Variants in SAMD13 observed in about 807,000 individuals in gnomAD.
SAMD13 encodes sterile alpha motif domain-containing protein 13.
Under a neutral mutation model 12.4 loss-of-function variants are expected in SAMD13, and 9 were observed. The ratio of observed to expected loss-of-function variants is 0.72; its 90% CI spans 0.44 to 1.26. The LOEUF (loss-of-function observed/expected upper bound fraction) is 1.26. Ranked by LOEUF, SAMD13 falls within the 50% of genes most tolerant of loss-of-function variation. The probability of loss-of-function intolerance (pLI) is 0.00; values close to 1 mark genes in which losing one functional copy is unlikely to be tolerated. For synonymous variants in SAMD13, 46 were observed against 45.4 expected (o/e 1.01, Z -0.05); for missense variants, 84 against 119.6 (o/e 0.70, Z 1.39).
At chr1:84,325,267 A>G (rs1430494207) in intron 2 of SAMD13, among the ~76,000 whole-genome samples, 2 of 152,124 alleles carry the variant, frequency 1.3e-5, no homozygotes, top group Admixed American at 6.5e-5. Flanking sequence ...GACTTGGCCT[A>G]TTGTGGAAGG....
chr1:84,350,521 T>C lies in SAMD13; in HGVS notation c.*747T>C, dbSNP rs921486636. On this transcript the variant is annotated 3_prime_UTR_variant, in exon 4 of 4. Coordinates refer to ENST00000394834, the MANE Select transcript of SAMD13 (RefSeq NM_001134663.2). ...TTTTTTTTAACTTCATGGTTTTATT[T>C]ATAATAATTTGTTTCTGAAGAAATT... is the stretch of plus-strand genomic sequence containing the variant. The C allele has an allele frequency of 1.3e-5, 2 of 152,652 alleles. No individual in the cohort carries two copies. Among genetic ancestry groups the C allele is most frequent in the African/African-American group, 2.4e-5 (1 of 41,466 alleles). 9.5% of individuals were successfully genotyped at this position (152,652 alleles called of 1,614,324 possible). A position where few individuals can be genotyped will look rare whatever the true frequency, so the allele number is the denominator to read the frequency against.
At chr1:84,322,719 G>C (rs1162915780) in intron 2 of SAMD13, among the ~76,000 whole-genome samples, 1 of 152,118 alleles carries the variant, frequency 6.6e-6, no homozygotes. Context: ...CTAACCCCTT[G>C]TTTCTTCTGG....
intron 3 of SAMD13, among the ~76,000 whole-genome samples, chr1:84,345,734 C>T (rs888815731): frequency 6.6e-6 from 1 of 152,164 alleles, no homozygotes; most frequent in Non-Finnish European, 1.5e-5. Context: ...TTCTTTCTTC[C>T]TATACATTTC....
intron 2 of SAMD13, among the ~76,000 whole-genome samples, chr1:84,317,050 T>G (rs907558545): frequency 1.3e-5 from 2 of 152,186 alleles, no homozygotes; most frequent in South Asian, 2.1e-4. Flanking sequence ...ATGTTGATTT[T>G]TGTATCCTGC....
intron 2 of SAMD13, among the ~76,000 whole-genome samples, chr1:84,321,629 A>T (rs316662): frequency 1.2e-4 from 18 of 152,162 alleles, no homozygotes; most frequent in Non-Finnish European, 2.2e-4. Context: ...AGATGTGGCG[A>T]GAATGGACCA....
rs1484455200 is a variant in SAMD13, at chr1:84,349,961, G to C, written c.*187G>C. The C allele has an allele frequency of 7.8e-7, 1 of 1,286,388 alleles. No individual in the cohort carries two copies. Among genetic ancestry groups the C allele is most frequent in the Non-Finnish European group, 1.0e-6 (1 of 1,003,648 alleles). The allele number at this position is 1,286,388 out of a possible 1,614,324, so 79.7% of individuals were successfully genotyped here. ...ACCTGAAATCAGCCAGGAGGAGCAA[G>C]GACAAGATGCGCACAGGGTGGTTTT... On this transcript the variant is annotated 3_prime_UTR_variant, in exon 4 of 4. Transcript: ENST00000394834.
At chr1:84,306,653 AAAAAAAAAAAG>A (rs1678580256) in intron 2 of SAMD13, among the ~76,000 whole-genome samples, 2 of 143,286 alleles carry the variant, frequency 1.4e-5, no homozygotes, top group South Asian at 2.2e-4. Flanking sequence ...CCAAAAAAAA[AAAAAAAAAAAG>A]AGAGAGAGAG....
At chr1:84,330,714 C>T (rs1221675906) in intron 3 of SAMD13, among the ~76,000 whole-genome samples, 2 of 152,158 alleles carry the variant, frequency 1.3e-5, no homozygotes, top group African/African-American at 2.4e-5. Context: ...GTAGTCACTT[C>T]ATTTCTATGT....
At chr1:84,299,585 T>A, upstream of SAMD13, 1 of 1,509,784 alleles carries the variant, frequency 6.6e-7, no homozygotes, top group Non-Finnish European at 8.9e-7. Context: ...TGCTACATAC[T>A]ACACACACAA....
At chr1:84,346,020 A>T (rs1350353961) in intron 3 of SAMD13, among the ~76,000 whole-genome samples, 1 of 152,098 alleles carries the variant, frequency 6.6e-6, no homozygotes, top group Non-Finnish European at 1.5e-5. Flanking sequence ...TGCTTTTTTC[A>T]ATAACTAGCA....
At chr1:84,311,549 A>C (rs1191093560) in intron 2 of SAMD13, among the ~76,000 whole-genome samples, 1 of 152,202 alleles carries the variant, frequency 6.6e-6, no homozygotes, top group African/African-American at 2.4e-5. Flanking sequence ...GGATTGATCC[A>C]TAGCATTTGC....
At chr1:84,308,694 G>A (rs1312746912) in intron 2 of SAMD13, among the ~76,000 whole-genome samples, 1 of 152,206 alleles carries the variant, frequency 6.6e-6, no homozygotes, top group Non-Finnish European at 1.5e-5. Flanking sequence ...CAGAGAAGAA[G>A]AGAGGTAAAA....
At chr1:84,311,905 CAGGCATTGATT>C (rs945065726) in intron 2 of SAMD13, among the ~76,000 whole-genome samples, 1 of 152,160 alleles carries the variant, frequency 6.6e-6, no homozygotes, top group African/African-American at 2.4e-5. Flanking sequence ...CAACATACCT[CAGGCATTGATT>C]AGGCAGTATC....
upstream of SAMD13, chr1:84,299,473 C>A (rs537955349): frequency 2.0e-5 from 9 of 452,182 alleles, no homozygotes; most frequent in African/African-American, 1.8e-4. Flanking sequence ...GTTGCCTCTC[C>A]CCCTCACCCC....
At chr1:84,325,615 T>C (rs1233745982) in intron 2 of SAMD13, 22 bp from the exon 3 acceptor site, 1 of 1,435,236 alleles carries the variant, frequency 7.0e-7, no homozygotes, top group Non-Finnish European at 9.8e-7. Context: ...CCATGACAAC[T>C]GTCTGGATTT....
At chr1:84,302,541 T>TACAC (rs58540263) in intron 1 of SAMD13, 4,003 of 204,922 alleles carry the variant, frequency 0.02, 114 homozygotes, top group African/African-American at 0.067. Flanking sequence ...TTCTTACACA[T>TACAC]ACACACACAC....
intron 2 of SAMD13, among the ~76,000 whole-genome samples, chr1:84,321,351 T>G (rs575908135): frequency 6.6e-6 from 1 of 151,618 alleles, no homozygotes; most frequent in South Asian, 2.1e-4. Context: ...TTTTTAATAA[T>G]AAAGCTATAT....
chr1:84,327,404 AAAC>A (rs1212669473), intron 3 of SAMD13, among the ~76,000 whole-genome samples: 1 of 152,140 alleles, frequency 6.6e-6, no homozygotes, highest in Non-Finnish European at 1.5e-5. Flanking sequence ...AGTGGTAAAA[AAAC>A]AATCAGAACA....
intron 3 of SAMD13, among the ~76,000 whole-genome samples, chr1:84,332,451 CGTT>C (rs1425057418): frequency 1.3e-5 from 2 of 151,908 alleles, no homozygotes; most frequent in African/African-American, 2.4e-5. Context: ...GATGGTGTCT[CGTT>C]GTTTTGATTT....
Sources: allele counts gnomAD v4.1 joint callset (sites outside exome capture counted in the v4.1 genomes callset), GRCh38; gene constraint gnomAD v4.1.1; transcripts MANE v1.5; gene names NCBI Gene and HGNC (gene_info 2026-07-23, HGNC 2026-07-21).